COL26A1: variants seen among roughly 807,000 people sequenced by gnomAD.
COL26A1 encodes collagen type XXVI alpha 1 chain.
COL26A1 carries 41 observed loss-of-function variants against 59.3 expected under a neutral mutation model. That is an observed-to-expected ratio of 0.69 (90% confidence interval 0.54 to 0.90). The LOEUF is 0.90. COL26A1 is among the 40% of genes least tolerant of loss of function. The pLI, the probability that COL26A1 is intolerant of heterozygous loss-of-function variation, is 0.00. For missense variants in COL26A1, 612 were observed against 602.3 expected (o/e 1.02, Z -0.17); for synonymous variants, 266 against 256.0 (o/e 1.04, Z -0.37).
chr7:101,549,274 T>G (rs1584506767), intron 9 of COL26A1, 51 bp downstream of exon 9: 2 of 1,336,068 alleles, frequency 1.5e-6, no homozygotes, highest in South Asian at 2.4e-5. Flanking sequence ...GGGTGGCGGG[T>G]GGCCTTGTCT....
intron 1 of COL26A1, among the ~76,000 whole-genome samples, chr7:101,413,211 G>T (rs577795934): frequency 6.6e-6 from 1 of 152,058 alleles, no homozygotes; most frequent in African/African-American, 2.4e-5. Context: ...GAAGTGGGCC[G>T]CCTCTTGCAA....
At chr7:101,515,751 G>A (rs1265109606) in intron 3 of COL26A1, among the ~76,000 whole-genome samples, 1 of 151,974 alleles carries the variant, frequency 6.6e-6, no homozygotes, top group African/African-American at 2.4e-5. Context: ...ACCACAACCA[G>A]GTAATTTTTG....
At chr7:101,461,996 CTTTTTT>C (rs531100830) in intron 3 of COL26A1, among the ~76,000 whole-genome samples, 2 of 117,922 alleles carry the variant, frequency 1.7e-5, no homozygotes, top group Non-Finnish European at 3.5e-5. Flanking sequence ...CCACGGAGCA[CTTTTTT>C]TTTTTTTTTT....
chr7:101,479,090 C>A (rs906547415), intron 3 of COL26A1, among the ~76,000 whole-genome samples: 1 of 152,172 alleles, frequency 6.6e-6, no homozygotes, highest in Non-Finnish European at 1.5e-5. Flanking sequence ...CTTGTGCATG[C>A]GAGCAAAGGC....
chr7:101,405,522 C>T (rs1291188552), intron 1 of COL26A1, among the ~76,000 whole-genome samples: 1 of 151,948 alleles, frequency 6.6e-6, no homozygotes, highest in African/African-American at 2.4e-5. Context: ...AATGCTGATC[C>T]TCCCTGAATG....
intron 3 of COL26A1, among the ~76,000 whole-genome samples, chr7:101,516,458 G>T (rs1243157624): frequency 6.6e-6 from 1 of 152,014 alleles, no homozygotes; most frequent in East Asian, 1.9e-4. Context: ...TTTTTTTAGA[G>T]ATGGGGTCTC....
At chr7:101,393,458 C>T (rs796743763) in intron 1 of COL26A1, among the ~76,000 whole-genome samples, 1 of 152,084 alleles carries the variant, frequency 6.6e-6, no homozygotes, top group African/African-American at 2.4e-5. Flanking sequence ...ATTTTTCTAC[C>T]TGCTTTATAT....
chr7:101,407,401 C>A (rs1792152302), intron 1 of COL26A1, among the ~76,000 whole-genome samples: 1 of 152,042 alleles, frequency 6.6e-6, no homozygotes, highest in Non-Finnish European at 1.5e-5. Flanking sequence ...CCTGAGGAGC[C>A]ATGGGACCTC....
rs369792846 is a variant in COL26A1, at chr7:101,420,039, C to T, written c.221C>T (p.Thr74Met). The T allele has an allele frequency of 3.8e-5, 61 of 1,613,166 alleles. No individual in the cohort carries two copies. The highest frequency in any genetic ancestry group is 3.3e-4 in the Middle Eastern group (2 of 6,056). Residue 74 changes from threonine to methionine, a missense_variant, in exon 2 of 13, where the codon ACG (threonine) becomes ATG (methionine). By Grantham distance (81) the Thr-to-Met change is moderately conservative. Transcript: ENST00000313669. Reference protein sequence around the residue: ...VSCQVQNGSETVVQRVYQSCR... With the variant: ...VSCQVQNGSEMVVQRVYQSCR... ...TGCCAGGTGCAGAATGGCTCGGAGA[C>T]GGTGGTCCAGCGCGTGTACCAGAGC...
intron 3 of COL26A1, among the ~76,000 whole-genome samples, chr7:101,508,366 A>G (rs534296329): frequency 1.3e-5 from 2 of 152,222 alleles, no homozygotes; most frequent in East Asian, 3.9e-4. Context: ...TACAAAAAAT[A>G]GAAAAATCAT....
chr7:101,420,524 C>A (rs1382991855), intron 2 of COL26A1, among the ~76,000 whole-genome samples: 1 of 152,142 alleles, frequency 6.6e-6, no homozygotes, highest in Non-Finnish European at 1.5e-5. Flanking sequence ...GGCAGCACTG[C>A]CCCACTCACC....
rs537733209 is a variant in COL26A1 at position 101,547,071 on chromosome 7, G to T, written c.857-85G>T. On this transcript the variant is annotated intron_variant, in intron 7 of 12. Transcript: ENST00000313669. ...GCCCCCCTGGGCTTCGTGTGGCCTG[G>T]CTCAGGGCTCAGTGCCCCGGACCAG... 6 of 946,568 alleles carry T rather than the reference G, an allele frequency of 6.3e-6. No homozygotes were observed. In the Middle Eastern group the frequency reaches 1.0e-3, roughly 160 times the overall value. The allele number at this position is 946,568 out of a possible 1,614,324, so 58.6% of individuals were successfully genotyped here. A position where few individuals can be genotyped will look rare whatever the true frequency, so the allele number is the denominator to read the frequency against.
At chr7:101,489,811 TTTC>T (rs1794388709) in intron 3 of COL26A1, among the ~76,000 whole-genome samples, 2 of 3,250 alleles carry the variant, frequency 6.2e-4, no homozygotes, top group South Asian at 8.8e-3. Flanking sequence ...TCTTTCTTTC[TTTC>T]TTTCTTTCTT....
intron 3 of COL26A1, among the ~76,000 whole-genome samples, chr7:101,502,464 T>C (rs1432004240): frequency 2.0e-5 from 3 of 152,222 alleles, no homozygotes; most frequent in Non-Finnish European, 4.4e-5. Flanking sequence ...CCTCTTGTTC[T>C]AATGGGGAAA....
At chr7:101,373,237 C>G (rs1301866934) in intron 1 of COL26A1, among the ~76,000 whole-genome samples, 1 of 152,106 alleles carries the variant, frequency 6.6e-6, no homozygotes, top group Non-Finnish European at 1.5e-5. Flanking sequence ...GGACCTGGCC[C>G]CTTGGTGGAT....
intron 2 of COL26A1, among the ~76,000 whole-genome samples, chr7:101,437,090 C>T (rs974913415): frequency 6.6e-6 from 1 of 152,212 alleles, no homozygotes; most frequent in African/African-American, 2.4e-5. Context: ...CGATGTGCCT[C>T]GCTCTAAGCT....
At chr7:101,430,799 A>G (rs1337892186) in intron 2 of COL26A1, among the ~76,000 whole-genome samples, 2 of 150,648 alleles carry the variant, frequency 1.3e-5, no homozygotes, top group Non-Finnish European at 1.5e-5. Context: ...TATGCCTTTT[A>G]TTTTATTTTA....
At chr7:101,470,123 G>A (rs1487215100) in intron 3 of COL26A1, among the ~76,000 whole-genome samples, 3 of 143,264 alleles carry the variant, frequency 2.1e-5, no homozygotes, top group Non-Finnish European at 3.0e-5. Context: ...TTTTTTTTTC[G>A]AGACAGAGTC....
At chr7:101,367,824 C>G (rs944853193) in intron 1 of COL26A1, among the ~76,000 whole-genome samples, 1 of 152,194 alleles carries the variant, frequency 6.6e-6, no homozygotes, top group African/African-American at 2.4e-5. Context: ...GACTTCCCAG[C>G]CTCCAGGGCT....
Sources: allele counts gnomAD v4.1 joint callset (sites outside exome capture counted in the v4.1 genomes callset), GRCh38; gene constraint gnomAD v4.1.1; transcripts MANE v1.5; gene names NCBI Gene and HGNC (gene_info 2026-07-23, HGNC 2026-07-21).